Variants in ABR observed in about 807,000 individuals in gnomAD.
ABR encodes active breakpoint cluster region-related protein.
A neutral mutation model predicts 107.2 loss-of-function variants in ABR; 35 were observed. The observed-to-expected ratio is 0.33, with a 90% CI of 0.25 to 0.43. ABR has a LOEUF of 0.43. ABR is among the 20% of genes least tolerant of loss of function. The probability of loss-of-function intolerance (pLI) is 1.00; values close to 1 mark genes in which losing one functional copy is unlikely to be tolerated. For synonymous variants in ABR, 498 were observed against 462.0 expected, an observed-to-expected ratio of 1.08 and a Z score of -1.00; for missense variants, 815 against 1,115.2, an observed-to-expected ratio of 0.73 and a Z score of 3.83.
At position 1,035,763 on chromosome 17, in the gene ABR, ATCCCATCCTCCCTCAGCCCC is replaced by A. The variant is rs1378615715; in HGVS notation, c.1791+14267_1791+14286del. Among the ~76,000 whole-genome samples, 4 of 148,262 alleles carry A rather than the reference ATCCCATCCTCCCTCAGCCCC, an allele frequency of 2.7e-5. No homozygotes were observed. In the East Asian group the frequency reaches 8.2e-4, roughly 30 times the overall value. On this transcript the variant is annotated intron_variant, in intron 16 of 22. Transcript: ENST00000302538. Reference sequence around the variant, plus strand: ...GAATTAAAAACATTCCTAGTGGACCATCCCATCCTCCCTCAGCCCCTCCCCAGGCTCTCTGCAAGGGGAGT... The same window carrying A: ...GAATTAAAAACATTCCTAGTGGACCATCCCCAGGCTCTCTGCAAGGGGAGT...
intron 18 of ABR, 177 bp downstream of exon 18, chr17:1,012,511 G>C: frequency 2.8e-6 from 2 of 702,772 alleles, no homozygotes; most frequent in Non-Finnish European, 5.2e-6. Flanking sequence ...TGCTTCTGAA[G>C]TGTCCTGTGA....
chr17:1,156,849 G>T (rs117676847), intron 1 of ABR, among the ~76,000 whole-genome samples: 1,891 of 152,262 alleles, frequency 0.012, 19 homozygotes, highest in Non-Finnish European at 0.021. Flanking sequence ...TAATGGTGAG[G>T]CTGGGATCTG....
At chr17:1,151,839 G>T (rs2151532776) in intron 1 of ABR, among the ~76,000 whole-genome samples, 1 of 152,348 alleles carries the variant, frequency 6.6e-6, no homozygotes, top group East Asian at 1.9e-4. Context: ...CTAACACGAG[G>T]AAACTCCGTC....
chr17:1,004,796 G>A lies in ABR; in HGVS notation c.*1284C>T. 2.7e-6 allele frequency: 1 copy of A among 372,668 alleles called. No homozygotes were observed. Among genetic ancestry groups the A allele is most frequent in the African/African-American group, 2.1e-5 (1 of 48,282 alleles). 23.1% of individuals were successfully genotyped at this position (372,668 alleles called of 1,614,324 possible). On this transcript the variant is annotated 3_prime_UTR_variant, in exon 23 of 23. Coordinates refer to ENST00000302538, the MANE Select transcript of ABR (RefSeq NM_021962.5). ...TGGAGTTCCCAGTGTTTACCCAAAAGGCTGTATCCAGAAGCTGGGGCGGCA... is the reference window on the plus strand; with the variant it reads ...TGGAGTTCCCAGTGTTTACCCAAAAAGCTGTATCCAGAAGCTGGGGCGGCA...
chr17:1,195,498 G>C (rs540382842), intron 1 of ABR, among the ~76,000 whole-genome samples: 1 of 151,744 alleles, frequency 6.6e-6, no homozygotes, highest in Non-Finnish European at 1.5e-5. Context: ...AGCAAGTAGC[G>C]TAAGGAGCAT....
In ABR at chr17:1,179,621, G is replaced by A; in HGVS notation, c.61+46C>T. The A allele has an allele frequency of 6.8e-7, 1 of 1,468,762 alleles. No homozygotes were observed. Among genetic ancestry groups the A allele is most frequent in the Non-Finnish European group, 9.0e-7 (1 of 1,105,508 alleles). 91.0% of individuals were successfully genotyped at this position (1,468,762 alleles called of 1,614,324 possible). A position where few individuals can be genotyped will look rare whatever the true frequency, so the allele number is the denominator to read the frequency against. ...CTGGGGTCCCGATCTCCATCCTGGGGTCCCGATCCCGATCCTGGGGTCCCG... is the reference window on the plus strand; with the variant it reads ...CTGGGGTCCCGATCTCCATCCTGGGATCCCGATCCCGATCCTGGGGTCCCG... On this transcript the variant is annotated intron_variant, in intron 1 of 22. Coordinates refer to ENST00000302538, the MANE Select transcript of ABR (RefSeq NM_021962.5). This position sits in a 1 kb window ranked among gnomAD's most constrained non-coding sequence, Gnocchi z 4.9.
At chr17:1,194,220 C>G (rs986622888) in intron 1 of ABR, among the ~76,000 whole-genome samples, 1 of 151,804 alleles carries the variant, frequency 6.6e-6, no homozygotes, top group Admixed American at 6.6e-5. Context: ...CAGAGTCTCT[C>G]TCTGTCGCCC....
At chr17:1,143,636 A>C (rs1245197878) in intron 1 of ABR, among the ~76,000 whole-genome samples, 1 of 152,110 alleles carries the variant, frequency 6.6e-6, no homozygotes, top group African/African-American at 2.4e-5. Flanking sequence ...GGCGGGTGTT[A>C]TGGCCTCTCT....
chr17:1,204,532 G>A (rs1333786812), intron 1 of ABR, among the ~76,000 whole-genome samples: 1 of 152,180 alleles, frequency 6.6e-6, no homozygotes, highest in Non-Finnish European at 1.5e-5. Context: ...ATATACAAAG[G>A]TGGTCCAGAA....
Position 1,006,143 on chromosome 17 carries a change from C to T in ABR, c.2517G>A (p.Gln839=). 6.3e-7 allele frequency: 1 copy of T among 1,586,660 alleles called. No homozygotes were observed. The highest frequency in any genetic ancestry group is 1.2e-5 in the South Asian group (1 of 86,864). The change falls in exon 23 of 23, where the codon CAG becomes CAA. Residue 839 remains glutamine (Q), a synonymous_variant. Coordinates refer to ENST00000302538, the MANE Select transcript of ABR (RefSeq NM_021962.5). Reference sequence around the variant, plus strand: ...GTTCTGCGAAGGAAATGGGGGGGTGCTGCAGGTAGTAGAGGAGGACCTGGA... The same window carrying T: ...GTTCTGCGAAGGAAATGGGGGGGTGTTGCAGGTAGTAGAGGAGGACCTGGA... ...AQVQVLLYYL[Q]HPPISFAELK...
chr17:1,173,754 A>G (rs965098466), intron 1 of ABR, among the ~76,000 whole-genome samples: 1 of 152,090 alleles, frequency 6.6e-6, no homozygotes, highest in African/African-American at 2.4e-5. Context: ...CCTGTGCGGG[A>G]GCCGCTGTGG....
At chr17:1,159,633 A>G (rs1369621185) in intron 1 of ABR, among the ~76,000 whole-genome samples, 34 of 109,658 alleles carry the variant, frequency 3.1e-4, no homozygotes, top group African/African-American at 6.0e-4. Flanking sequence ...CTCACGCACA[A>G]GGGAAGTATG....
chr17:1,075,110 C>T (rs371829385), intron 6 of ABR, among the ~76,000 whole-genome samples: 103 of 152,366 alleles, frequency 6.8e-4, no homozygotes, highest in African/African-American at 2.4e-3. Context: ...CTCCACAACC[C>T]GGACACCAAG....
At chr17:1,016,125 CCT>C (rs1382839534) in intron 16 of ABR, among the ~76,000 whole-genome samples, 1 of 152,166 alleles carries the variant, frequency 6.6e-6, no homozygotes, top group Non-Finnish European at 1.5e-5. Flanking sequence ...CATTCTTTAA[CCT>C]CTCTCCATGC....
intron 13 of ABR, 66 bp from the exon 14 acceptor site, chr17:1,056,175 C>A: frequency 7.1e-7 from 1 of 1,400,898 alleles, no homozygotes; most frequent in Non-Finnish European, 1.0e-6. Context: ...CCACCCCAGG[C>A]CGGCGGGAGG....
intron 2 of ABR, among the ~76,000 whole-genome samples, chr17:1,116,081 C>A (rs1173675463): frequency 6.7e-6 from 1 of 149,898 alleles, no homozygotes; most frequent in Non-Finnish European, 1.5e-5. Context: ...ACAAAATTAG[C>A]CGGATGTGGT....
intron 2 of ABR, among the ~76,000 whole-genome samples, chr17:1,116,810 C>A (rs1200106799): frequency 1.3e-5 from 2 of 152,186 alleles, no homozygotes; most frequent in African/African-American, 2.4e-5. Context: ...ACCTGGCACA[C>A]GGGAGGGTCC....
intron 1 of ABR, among the ~76,000 whole-genome samples, chr17:1,171,874 G>A (rs1198384605): frequency 1.3e-5 from 2 of 152,110 alleles, no homozygotes; most frequent in East Asian, 1.9e-4. Context: ...AGGTTGCAGT[G>A]AGCCGAGATC....
At chr17:1,116,142 C>A (rs1013468975) in intron 2 of ABR, among the ~76,000 whole-genome samples, 1 of 150,312 alleles carries the variant, frequency 6.7e-6, no homozygotes, top group African/African-American at 2.5e-5. Flanking sequence ...ATCACTTGAA[C>A]CCAGGAGGCG....
Sources: allele counts gnomAD v4.1 joint callset (sites outside exome capture counted in the v4.1 genomes callset), GRCh38; gene constraint gnomAD v4.1.1; non-coding constraint Gnocchi (gnomAD v3.1); transcripts MANE v1.5; gene names NCBI Gene and HGNC (gene_info 2026-07-23, HGNC 2026-07-21).